The following SLC5A12 variants were observed in gnomAD, a reference collection of about 807,000 sequenced individuals.
SLC5A12 encodes the protein solute carrier family 5 member 12.
A neutral mutation model predicts 72.7 loss-of-function variants in SLC5A12; 46 were observed. That is an observed-to-expected ratio of 0.63 (90% CI 0.50 to 0.81). SLC5A12 has a LOEUF of 0.81. Among genes scored for constraint, SLC5A12 ranks in the 30% least tolerant of loss-of-function variants. SLC5A12 has a pLI of 0.00. For synonymous variants in SLC5A12, 275 were observed against 264.4 expected, an observed-to-expected ratio of 1.04 and a Z score of -0.39; for missense variants, 683 against 740.7, an observed-to-expected ratio of 0.92 and a Z score of 0.90.
intron 8 of SLC5A12, among the ~76,000 whole-genome samples, chr11:26,693,503 A>G (rs777280808): frequency 6.6e-6 from 1 of 152,232 alleles, no homozygotes; most frequent in Non-Finnish European, 1.5e-5. Flanking sequence ...TGCTTAGGTG[A>G]CAGAGGACCT....
intron 1 of SLC5A12, among the ~76,000 whole-genome samples, chr11:26,720,023 C>T (rs1470655597): frequency 6.6e-6 from 1 of 152,274 alleles, no homozygotes; most frequent in South Asian, 2.1e-4. Flanking sequence ...GGCCAAAAGA[C>T]TTAACACACA....
At chr11:26,679,496 T>C (rs1193493255) in intron 12 of SLC5A12, among the ~76,000 whole-genome samples, 3 of 151,930 alleles carry the variant, frequency 2.0e-5, no homozygotes, top group East Asian at 3.9e-4. Context: ...CAAAGACAAA[T>C]GGAAGCAAAA....
At chr11:26,683,524 T>G (rs1391259856) in intron 11 of SLC5A12, among the ~76,000 whole-genome samples, 2 of 152,200 alleles carry the variant, frequency 1.3e-5, no homozygotes, top group Non-Finnish European at 2.9e-5. Context: ...AAGAGTCAGC[T>G]TTGATGTCAG....
chr11:26,670,764 A>C lies in SLC5A12; in HGVS notation c.*338T>G, dbSNP rs1854120705. The C allele has an allele frequency of 5.7e-6, 1 of 175,748 alleles. No homozygotes were observed. Among genetic ancestry groups the C allele is most frequent in the South Asian group, 1.9e-4 (1 of 5,184 alleles). The allele number at this position is 175,748 out of a possible 1,614,324, so 10.9% of individuals were successfully genotyped here. Reference sequence around the variant, plus strand: ...ATATTTTGATGGTTAAAAAACTACTAAAACGAAAAACCTGAAGTTTAATAT... The same window carrying C: ...ATATTTTGATGGTTAAAAAACTACTCAAACGAAAAACCTGAAGTTTAATAT... On this transcript the variant is annotated 3_prime_UTR_variant, in exon 15 of 15. Transcript: ENST00000396005.
chr11:26,667,223 T>C lies in SLC5A12; in HGVS notation c.*3879A>G, dbSNP rs1854015737. 6.6e-6 allele frequency: 1 copy of C among 151,924 alleles called. No homozygotes were observed. The highest frequency in any genetic ancestry group is 6.6e-5 in the Admixed American group (1 of 15,220). 9.4% of individuals were successfully genotyped at this position (151,924 alleles called of 1,614,324 possible). A position where few individuals can be genotyped will look rare whatever the true frequency, so the allele number is the denominator to read the frequency against. On this transcript the variant is annotated 3_prime_UTR_variant, in exon 15 of 15. Coordinates refer to ENST00000396005, the MANE Select transcript of SLC5A12 (RefSeq NM_178498.4). ...ATTAAGTACATGAGACTTGTAAATA[T>C]ACAAATGTGCATGTACATACAGCTA...
chr11:26,693,255 T>C (rs1395057925), intron 8 of SLC5A12, among the ~76,000 whole-genome samples: 2 of 152,102 alleles, frequency 1.3e-5, no homozygotes, highest in African/African-American at 2.4e-5. Flanking sequence ...CCATGCAAAG[T>C]GGGAAAAAGA....
chr11:26,690,646 T>TAA (rs747754564), intron 9 of SLC5A12, among the ~76,000 whole-genome samples: 10 of 92,732 alleles, frequency 1.1e-4, no homozygotes, highest in Middle Eastern at 5.8e-3. Flanking sequence ...CCACCTCTAC[T>TAA]AAAAAAAAAA....
At chr11:26,703,310 T>C (rs1310530912) in intron 6 of SLC5A12, among the ~76,000 whole-genome samples, 2 of 151,652 alleles carry the variant, frequency 1.3e-5, no homozygotes, top group Non-Finnish European at 2.9e-5. Flanking sequence ...ACAAACCGAC[T>C]TCAGTTCACA....
At chr11:26,717,362 A>AT (rs1855374580) in intron 1 of SLC5A12, among the ~76,000 whole-genome samples, 1 of 152,200 alleles carries the variant, frequency 6.6e-6, no homozygotes, top group South Asian at 2.1e-4. Context: ...ATATTAAATT[A>AT]GGTAAATAAT....
chr11:26,686,331 T>C, intron 10 of SLC5A12, 146 bp downstream of exon 10: 1 of 625,426 alleles, frequency 1.6e-6, no homozygotes, highest in Non-Finnish European at 2.7e-6. Flanking sequence ...GAGAATTGAT[T>C]TTACATGCAT....
chr11:26,686,515 T>C lies in SLC5A12; in HGVS notation c.1183A>G (p.Met395Val). ...CCCATGACAGATGCAGCCACAGCCA[T>C]AGAGGTACACATCACGCCAAATAAG... ...CLLFGVMCTS[M>V]AVAASVMGGV... The change falls in exon 10 of 15, where the codon ATG (methionine) becomes GTG (valine). Residue 395 changes from methionine (M) to valine (V), a missense_variant. By Grantham distance (21) the Met-to-Val change is conservative. Transcript: ENST00000396005. 6.2e-7 allele frequency: 1 copy of C among 1,613,956 alleles called. No homozygotes were observed. The highest frequency in any genetic ancestry group is 8.5e-7 in the Non-Finnish European group (1 of 1,179,896).
intron 6 of SLC5A12, among the ~76,000 whole-genome samples, chr11:26,700,882 C>G (rs916902944): frequency 1.3e-5 from 2 of 152,212 alleles, no homozygotes; most frequent in African/African-American, 4.8e-5. Flanking sequence ...GATTCTAACC[C>G]ATGCCCACTT....
chr11:26,688,515 A>G (rs1208814756), intron 9 of SLC5A12, among the ~76,000 whole-genome samples: 1 of 152,234 alleles, frequency 6.6e-6, no homozygotes, highest in African/African-American at 2.4e-5. Context: ...AAATAAACGA[A>G]GAAAGGAAAT....
chr11:26,700,052 A>G (rs1440665571), intron 6 of SLC5A12, among the ~76,000 whole-genome samples: 1 of 152,220 alleles, frequency 6.6e-6, no homozygotes, highest in Admixed American at 6.5e-5. Context: ...GACTTTAGAC[A>G]AATCACATAA....
At chr11:26,681,295 T>A in intron 11 of SLC5A12, 74 bp from the exon 12 acceptor site, 27 of 1,073,670 alleles carry the variant, frequency 2.5e-5, no homozygotes, top group Middle Eastern at 3.2e-4. Context: ...GATGAGGAGT[T>A]CTATGCCTTA....
intron 10 of SLC5A12, among the ~76,000 whole-genome samples, chr11:26,684,069 G>A (rs1197228623): frequency 6.6e-6 from 1 of 151,664 alleles, no homozygotes; most frequent in Non-Finnish European, 1.5e-5. Context: ...TAGTAGAAAG[G>A]CAGGTAACCT....
At chr11:26,711,594 A>G (rs1855230676) in intron 2 of SLC5A12, among the ~76,000 whole-genome samples, 1 of 152,062 alleles carries the variant, frequency 6.6e-6, no homozygotes, top group Non-Finnish European at 1.5e-5. Context: ...TAATTTTGAG[A>G]TATTATGGTT....
chr11:26,681,013 C>T (rs1484572725), intron 12 of SLC5A12, 42 bp downstream of exon 12: 4 of 1,489,876 alleles, frequency 2.7e-6, no homozygotes, highest in South Asian at 2.9e-5. Context: ...TACCAGGTGA[C>T]CCACTCTCTG....
intron 9 of SLC5A12, among the ~76,000 whole-genome samples, chr11:26,688,395 GC>G (rs1224887422): frequency 6.6e-6 from 1 of 152,156 alleles, no homozygotes; most frequent in Non-Finnish European, 1.5e-5. Context: ...TGGCAGCAGT[GC>G]CCATCTACTT....
Sources: gnomAD v4.1 joint callset for allele counts (sites outside exome capture counted in the v4.1 genomes callset) on GRCh38, gnomAD v4.1.1 for gene constraint, MANE v1.5 for transcripts, NCBI Gene and HGNC (gene_info 2026-07-23, HGNC 2026-07-21) for gene names.